Variants in APLF observed in about 807,000 individuals in gnomAD.
APLF encodes aprataxin and PNKP like factor.
APLF carries 61 observed loss-of-function variants against 55.6 expected under a neutral mutation model. The ratio of observed to expected loss-of-function variants is 1.10; its 90% CI spans 0.89 to 1.36. APLF has a LOEUF of 1.36. Among genes scored for constraint, APLF ranks in the 40% most tolerant of loss-of-function variants. The pLI is 0.00. For synonymous variants in APLF, 207 were observed against 214.8 expected (o/e 0.96, Z 0.32); for missense variants, 611 against 602.5 (o/e 1.01, Z -0.15).
At chr2:68,478,903 G>C (rs985024118) in intron 1 of APLF, among the ~76,000 whole-genome samples, 2 of 152,194 alleles carry the variant, frequency 1.3e-5, no homozygotes, top group African/African-American at 4.8e-5. Context: ...ATAACCACCA[G>C]CTGCCATTCT....
intron 5 of APLF, among the ~76,000 whole-genome samples, chr2:68,517,397 ATATT>A (rs1669642114): frequency 7.9e-6 from 1 of 125,822 alleles, no homozygotes; most frequent in Non-Finnish European, 1.6e-5. Context: ...TTATTACTAT[ATATT>A]AATATATCTA....
At chr2:68,575,899 TA>T (rs1651601911) in intron 9 of APLF, among the ~76,000 whole-genome samples, 1 of 152,092 alleles carries the variant, frequency 6.6e-6, no homozygotes, top group South Asian at 2.1e-4. Flanking sequence ...GGTCAGGGCT[TA>T]AGATGTGAAT....
chr2:68,545,116 C>T (rs1573245368), intron 7 of APLF, 71 bp from the exon 8 acceptor site: 1 of 1,551,426 alleles, frequency 6.4e-7, no homozygotes, highest in Non-Finnish European at 8.8e-7. Flanking sequence ...TGTCTGGTTT[C>T]CTGCTATATC....
At chr2:68,490,010 T>A (rs35888436) in intron 1 of APLF, among the ~76,000 whole-genome samples, 180 bp from the exon 2 acceptor site, 12,579 of 151,804 alleles carry the variant, frequency 0.083, 568 homozygotes, top group Middle Eastern at 0.12. Context: ...CAGGTTTTTT[T>A]AATCTCATTA....
intron 2 of APLF, among the ~76,000 whole-genome samples, chr2:68,491,887 A>G (rs1262582538): frequency 6.6e-6 from 1 of 152,184 alleles, no homozygotes. Flanking sequence ...AACTCAATAG[A>G]TATCAGATTT....
At chr2:68,498,449 T>C (rs1476820557) in intron 2 of APLF, among the ~76,000 whole-genome samples, 4 of 152,126 alleles carry the variant, frequency 2.6e-5, no homozygotes, top group African/African-American at 9.7e-5. Flanking sequence ...ACAAGGAGAG[T>C]TGAATGCAAT....
intron 5 of APLF, among the ~76,000 whole-genome samples, chr2:68,517,298 C>A (rs13418176): frequency 1.7e-3 from 169 of 99,742 alleles, no homozygotes; most frequent in Middle Eastern, 0.019. Context: ...TAATATATGT[C>A]ATTACTATAT....
chr2:68,521,565 GTC>G (rs978117811), intron 5 of APLF, among the ~76,000 whole-genome samples: 4 of 151,922 alleles, frequency 2.6e-5, no homozygotes, highest in African/African-American at 9.7e-5. Flanking sequence ...GGCTTTCAGA[GTC>G]TCCTCTTTCT....
At chr2:68,536,322 G>A (rs530154587) in intron 6 of APLF, among the ~76,000 whole-genome samples, 1 of 152,286 alleles carries the variant, frequency 6.6e-6, no homozygotes, top group African/African-American at 2.4e-5. Flanking sequence ...CAGTTAGTCA[G>A]TTTGGGTAGC....
chr2:68,477,512 A>G lies in APLF; in HGVS notation c.96+9685A>G, dbSNP rs577899565. Among the ~76,000 whole-genome samples the G allele has an allele frequency of 2.0e-5, 3 of 152,082 alleles. No homozygotes were observed. The East Asian group carries it at 5.8e-4, about 29-fold the overall frequency. On this transcript the variant is annotated intron_variant, in intron 1 of 9. Coordinates refer to ENST00000303795, the MANE Select transcript of APLF (RefSeq NM_173545.3). ...AAAAATTAGCTAGGCATGGTGGTAC[A>G]TGCCTGTAATCCCAGCTACTCGGAG...
intron 6 of APLF, chr2:68,535,171 C>T: frequency 3.7e-6 from 1 of 271,724 alleles, no homozygotes; most frequent in South Asian, 3.7e-5. Context: ...AAAAATAAAA[C>T]AAACTCTTCT....
intron 3 of APLF, among the ~76,000 whole-genome samples, chr2:68,503,855 A>G (rs1207249710): frequency 6.6e-6 from 1 of 152,060 alleles, no homozygotes; most frequent in African/African-American, 2.4e-5. Flanking sequence ...AAGAACTAGA[A>G]GTCAGTGAAA....
chr2:68,577,216 A>C (rs908905749), intron 9 of APLF, among the ~76,000 whole-genome samples: 1 of 152,180 alleles, frequency 6.6e-6, no homozygotes, highest in Non-Finnish European at 1.5e-5. Context: ...AAACATTTCT[A>C]AATTTCAGTG....
At chr2:68,473,119 G>A (rs1355833588) in intron 1 of APLF, among the ~76,000 whole-genome samples, 1 of 151,960 alleles carries the variant, frequency 6.6e-6, no homozygotes, top group Non-Finnish European at 1.5e-5. Context: ...ATCTACCATT[G>A]CAGTATAACA....
chr2:68,490,150 A>G (rs915322225), intron 1 of APLF, 40 bp from the exon 2 acceptor site: 12 of 1,455,908 alleles, frequency 8.2e-6, no homozygotes, highest in Non-Finnish European at 1.1e-5. Flanking sequence ...CTTTTTAAGG[A>G]GGTGGCTATT....
In APLF at chr2:68,578,390, A is replaced by G. The variant is rs1671677114; in HGVS notation, c.*368A>G. Reference sequence around the variant, plus strand: ...AAAGATTATGGAGTACTCTGCAAGTATAACCAGGCAAAGTACATGAAAACA... The same window carrying G: ...AAAGATTATGGAGTACTCTGCAAGTGTAACCAGGCAAAGTACATGAAAACA... On this transcript the variant is annotated 3_prime_UTR_variant, in exon 10 of 10. Coordinates refer to ENST00000303795, the MANE Select transcript of APLF (RefSeq NM_173545.3). The G allele has an allele frequency of 1.0e-6, 1 of 1,000,586 alleles. No homozygotes were observed. The highest frequency in any genetic ancestry group is 1.2e-6 in the Non-Finnish European group (1 of 839,276). The allele number at this position is 1,000,586 out of a possible 1,614,324, so 62.0% of individuals were successfully genotyped here. A position where few individuals can be genotyped will look rare whatever the true frequency, so the allele number is the denominator to read the frequency against.
chr2:68,557,012 T>A (rs1295109966), intron 8 of APLF, among the ~76,000 whole-genome samples: 2 of 152,196 alleles, frequency 1.3e-5, no homozygotes, highest in Non-Finnish European at 2.9e-5. Context: ...TTTTTGCTAG[T>A]TCCTCTTTTA....
intron 7 of APLF, among the ~76,000 whole-genome samples, chr2:68,543,981 CTTTTTTTT>C (rs71395974): frequency 1.6e-5 from 2 of 128,962 alleles, no homozygotes; most frequent in African/African-American, 6.1e-5. Flanking sequence ...ATTGTATTTT[CTTTTTTTT>C]TTTTTTTTTT....
At chr2:68,479,247 A>T (rs979115780) in intron 1 of APLF, among the ~76,000 whole-genome samples, 6 of 152,230 alleles carry the variant, frequency 3.9e-5, no homozygotes, top group Non-Finnish European at 7.3e-5. Flanking sequence ...CGAGTCCCGA[A>T]GGATTACACC....
Sources: allele counts gnomAD v4.1 joint callset (sites outside exome capture counted in the v4.1 genomes callset), GRCh38; gene constraint gnomAD v4.1.1; transcripts MANE v1.5; gene names NCBI Gene and HGNC (gene_info 2026-07-23, HGNC 2026-07-21).